BIRC2: variants seen among roughly 807,000 people sequenced by gnomAD.
The protein encoded by BIRC2 is baculoviral IAP repeat containing 2.
Under a neutral mutation model 60.9 loss-of-function variants are expected in BIRC2, and 18 were observed. That is an observed-to-expected ratio of 0.30 (90% CI 0.20 to 0.44). BIRC2 has a LOEUF of 0.44. Among genes scored for constraint, BIRC2 ranks in the 20% least tolerant of loss-of-function variants. The pLI, the probability that BIRC2 is intolerant of heterozygous loss-of-function variation, is 1.00. For synonymous variants in BIRC2, 282 were observed against 247.7 expected (o/e 1.14, Z -1.30); for missense variants, 701 against 728.5 (o/e 0.96, Z 0.43).
chr11:102,357,960 T>A lies in BIRC2; in HGVS notation c.996-4936T>A, dbSNP rs1951442649. ...AATTTTAATATTTCTTGTGATTTTT[T>A]AAAATTTTCTTTTTGATTTCTTCTT... On this transcript the variant is annotated intron_variant, in intron 3 of 8. Coordinates refer to ENST00000227758, the MANE Select transcript of BIRC2 (RefSeq NM_001166.5). Among the ~76,000 whole-genome samples the A allele has an allele frequency of 2.0e-5, 3 of 152,252 alleles. No individual in the cohort carries two copies. The South Asian group carries it at 6.2e-4, about 31-fold the overall frequency.
At chr11:102,357,669 TCTTC>T (rs1951439124) in intron 3 of BIRC2, among the ~76,000 whole-genome samples, 2 of 152,112 alleles carry the variant, frequency 1.3e-5, no homozygotes, top group Admixed American at 6.5e-5. Context: ...TTTATTTTCG[TCTTC>T]CTTTTTACTA....
chr11:102,375,734 C>T (rs1460099036), intron 6 of BIRC2, among the ~76,000 whole-genome samples: 1 of 149,844 alleles, frequency 6.7e-6, no homozygotes, highest in Non-Finnish European at 1.5e-5. Flanking sequence ...GAGCCGAGAT[C>T]GTGCCCCTGC....
intron 5 of BIRC2, 96 bp from the exon 6 acceptor site, chr11:102,368,210 A>G (rs1445791809): frequency 7.2e-7 from 1 of 1,389,004 alleles, no homozygotes; most frequent in Non-Finnish European, 9.8e-7. Context: ...TTACCAGAAT[A>G]TGAGAGTAAA....
At chr11:102,352,114 T>G (rs533951395) in intron 3 of BIRC2, among the ~76,000 whole-genome samples, 3 of 151,802 alleles carry the variant, frequency 2.0e-5, no homozygotes, top group Non-Finnish European at 4.4e-5. Context: ...TTTTTTTTTT[T>G]TTTGTTTTGT....
intron 3 of BIRC2, among the ~76,000 whole-genome samples, chr11:102,360,784 G>GTT (rs200030086): frequency 3.1e-5 from 4 of 129,338 alleles, no homozygotes; most frequent in Non-Finnish European, 5.0e-5. Flanking sequence ...TGTTTTTTTT[G>GTT]TTTTTTTTTT....
At chr11:102,374,770 C>A (rs988498665) in intron 6 of BIRC2, among the ~76,000 whole-genome samples, 1 of 152,234 alleles carries the variant, frequency 6.6e-6, no homozygotes, top group Admixed American at 6.5e-5. Flanking sequence ...CCCAGCCTCG[C>A]TGCTGCCTTG....
intron 5 of BIRC2, among the ~76,000 whole-genome samples, chr11:102,364,014 C>T (rs1951515734): frequency 1.3e-5 from 2 of 150,828 alleles, no homozygotes; most frequent in African/African-American, 4.9e-5. Context: ...TATGCCATTG[C>T]ACTCCATCCT....
chr11:102,353,484 G>GTTTTTTTTTTTTTTTTTTTTTT (rs1565331945), intron 3 of BIRC2, among the ~76,000 whole-genome samples: 2 of 151,764 alleles, frequency 1.3e-5, no homozygotes, highest in African/African-American at 4.8e-5. Context: ...ACACTCAGTA[G>GTTTTTTTTTTTTTTTTTTTTTT]TTTTTGTATT....
intron 3 of BIRC2, among the ~76,000 whole-genome samples, chr11:102,354,686 A>G (rs1951400869): frequency 1.3e-5 from 2 of 152,216 alleles, no homozygotes; most frequent in African/African-American, 4.8e-5. Context: ...TGTTTTCCAT[A>G]ATGACAGTAG....
rs552804964 is a variant in BIRC2, at chr11:102,347,288, G to C, written c.-1346G>C. 1 of 152,314 alleles carries C rather than the reference G, an allele frequency of 6.6e-6. No homozygotes were observed. Among genetic ancestry groups the C allele is most frequent in the Non-Finnish European group, 1.5e-5 (1 of 68,104 alleles). 9.4% of individuals were successfully genotyped at this position (152,314 alleles called of 1,614,324 possible). Reference sequence around the variant, plus strand: ...CGGGCTGATCCGAGCCGAGCGGGCCGTATCTCCTTGTCGGCGCCGCTGATT... The same window carrying C: ...CGGGCTGATCCGAGCCGAGCGGGCCCTATCTCCTTGTCGGCGCCGCTGATT... On this transcript the variant is annotated 5_prime_UTR_variant, in exon 1 of 9. Coordinates refer to ENST00000227758, the MANE Select transcript of BIRC2 (RefSeq NM_001166.5).
rs531820492 is a variant in BIRC2 at position 102,373,902 on chromosome 11, C to G, written c.1367-3594C>G. On this transcript the variant is annotated intron_variant, in intron 6 of 8. Coordinates refer to ENST00000227758, the MANE Select transcript of BIRC2 (RefSeq NM_001166.5). ...TTTTTTCTCTAAACTTCCCTTCTCG[C>G]TTCATTTCATTCATTTCATCTTCCA... is the stretch of plus-strand genomic sequence containing the variant. 6.3e-3 allele frequency among the ~76,000 whole-genome samples: 932 copies of G among 146,844 alleles called. 4 individuals carry two copies. The highest frequency in any genetic ancestry group is 0.011 in the Non-Finnish European group (726 of 66,756).
At chr11:102,358,113 A>C (rs1046230482) in intron 3 of BIRC2, among the ~76,000 whole-genome samples, 1 of 152,160 alleles carries the variant, frequency 6.6e-6, no homozygotes, top group East Asian at 1.9e-4. Context: ...ATAGGATTTC[A>C]GTCTTCCTCA....
At position 102,377,597 on chromosome 11, in the gene BIRC2, A is replaced by G; in HGVS notation, c.1468A>G (p.Lys490Glu). The change falls in exon 7 of 9, where the codon AAA (lysine) becomes GAA (glutamate). Residue 490 changes from lysine to glutamate, a missense_variant. Lys to Glu is a moderately conservative substitution (Grantham distance 56). This residue lies in a region of BIRC2 where 235 missense variants were observed against 208.9 expected (regional missense o/e 1.12). Coordinates refer to ENST00000227758, the MANE Select transcript of BIRC2 (RefSeq NM_001166.5). ...TCTTTTAAAGGCCAATGTAATTAAT[A>G]AACAGGAACATGATATTATTAAACA... The part of the protein sequence containing the change: ...DNLLKANVIN[K>E]QEHDIIKQKT... 2 of 1,611,958 alleles carry G rather than the reference A, an allele frequency of 1.2e-6. No individual in the cohort carries two copies. Among genetic ancestry groups the G allele is most frequent in the Non-Finnish European group, 1.7e-6 (2 of 1,179,054 alleles).
At chr11:102,370,046 T>C in intron 6 of BIRC2, among the ~76,000 whole-genome samples, 1 of 152,210 alleles carries the variant, frequency 6.6e-6, no homozygotes, top group East Asian at 1.9e-4. Context: ...TTTGAGTTCA[T>C]TGTAGATTCT....
chr11:102,373,095 C>T (rs1480450375), intron 6 of BIRC2, among the ~76,000 whole-genome samples: 3 of 150,206 alleles, frequency 2.0e-5, no homozygotes, highest in Admixed American at 6.6e-5. Context: ...GAATACAGCA[C>T]ACTGATGGGT....
In BIRC2 at chr11:102,357,545, C is replaced by T. The variant is rs143817749; in HGVS notation, c.996-5351C>T. Among the ~76,000 whole-genome samples, 838 of 152,250 alleles carry T rather than the reference C, an allele frequency of 5.5e-3. 11 individuals carry two copies. The highest frequency in any genetic ancestry group is 0.019 in the African/African-American group (797 of 41,562). On this transcript the variant is annotated intron_variant, in intron 3 of 8. Coordinates refer to ENST00000227758, the MANE Select transcript of BIRC2 (RefSeq NM_001166.5). The stretch of plus-strand genomic sequence containing the variant: ...GATAAATTACAAGTTTCTAGGAATG[C>T]ATCCATTTCTTCTAGGTTATACAGT...
chr11:102,352,870 TAA>T (rs1250456580), intron 3 of BIRC2, among the ~76,000 whole-genome samples: 2 of 152,178 alleles, frequency 1.3e-5, no homozygotes, highest in Non-Finnish European at 2.9e-5. Flanking sequence ...TCAGGAAATT[TAA>T]AAAGTTTTCG....
chr11:102,366,221 C>T (rs987120685), intron 5 of BIRC2, among the ~76,000 whole-genome samples: 1 of 152,194 alleles, frequency 6.6e-6, no homozygotes, highest in African/African-American at 2.4e-5. Flanking sequence ...TAATGGTACT[C>T]ATTTCCCAGC....
In BIRC2 at chr11:102,350,144, A is replaced by G. The variant is rs1331139944; in HGVS notation, c.290A>G (p.Asp97Gly). ...ATGCTGGATAACTGGAAACTAGGAGACAGTCCTATTCAAAAGCATAAACAG... is the reference window on the plus strand; with the variant it reads ...ATGCTGGATAACTGGAAACTAGGAGGCAGTCCTATTCAAAAGCATAAACAG... The part of the protein sequence containing the change: ...GLMLDNWKLG[D>G]SPIQKHKQLY... Residue 97 changes from aspartate (D) to glycine (G), a missense_variant, in exon 2 of 9, where the codon GAC becomes GGC. By Grantham distance (94) the Asp-to-Gly change is moderately conservative. This residue lies in a region of BIRC2 where 375 missense variants were observed against 365.9 expected (regional missense o/e 1.02). Transcript: ENST00000227758. The G allele has an allele frequency of 6.2e-7, 1 of 1,614,088 alleles. No homozygotes were observed. The highest frequency in any genetic ancestry group is 8.5e-7 in the Non-Finnish European group (1 of 1,180,034).
Sources: allele counts gnomAD v4.1 joint callset (sites outside exome capture counted in the v4.1 genomes callset), GRCh38; gene constraint gnomAD v4.1.1; regional missense constraint gnomAD v4.1.1; transcripts MANE v1.5; gene names NCBI Gene and HGNC (gene_info 2026-07-23, HGNC 2026-07-21).